KHDRBS2: variants seen among roughly 807,000 people sequenced by gnomAD.
KHDRBS2 encodes KH RNA binding domain containing, signal transduction associated 2.
In KHDRBS2, 26 loss-of-function variants were observed where a neutral mutation model predicts 44.3. The ratio of observed to expected loss-of-function variants is 0.59; its 90% CI spans 0.43 to 0.81. The LOEUF is 0.81. Ranked by LOEUF, KHDRBS2 falls within the 40% of genes least tolerant of loss-of-function variation. The pLI is 0.00. For synonymous variants in KHDRBS2, 194 were observed against 151.1 expected (o/e 1.28, Z -2.08); for missense variants, 476 against 433.1 (o/e 1.10, Z -0.88).
chr6:61,682,186 T>A (rs1306145638), intron 8 of KHDRBS2, among the ~76,000 whole-genome samples: 3 of 151,848 alleles, frequency 2.0e-5, no homozygotes, highest in African/African-American at 7.2e-5. Flanking sequence ...GCATAAAAAA[T>A]TTCAATTGTA....
At chr6:62,233,557 G>C (rs1186315220) in intron 1 of KHDRBS2, among the ~76,000 whole-genome samples, 1 of 152,000 alleles carries the variant, frequency 6.6e-6, no homozygotes, top group Non-Finnish European at 1.5e-5. Context: ...TGTGTCATAG[G>C]GGTTTGTTGT....
At chr6:61,667,394 G>T in the KHDRBS2 span, among the ~76,000 whole-genome samples, 1 of 150,692 alleles carries the variant, frequency 6.6e-6, no homozygotes, top group African/African-American at 2.4e-5. Context: ...AAAGTTTTAT[G>T]CAATTTATCA....
Position 62,158,389 on chromosome 6 carries a change from T to C in KHDRBS2, c.219+18796A>G, listed in dbSNP as rs149883412. Among the ~76,000 whole-genome samples, 838 of 152,300 alleles carry C rather than the reference T, an allele frequency of 5.5e-3. 9 individuals carry two copies. Among genetic ancestry groups the C allele is most frequent in the African/African-American group, 0.019 (797 of 41,576 alleles). ...TGAAACCTCATGGTATGTCATTATA[T>C]TCATGTTGAAGCTGAAAAACAGTTA... is the stretch of plus-strand genomic sequence containing the variant. On this transcript the variant is annotated intron_variant, in intron 2 of 8. Coordinates refer to ENST00000281156, the MANE Select transcript of KHDRBS2 (RefSeq NM_152688.4).
intron 8 of KHDRBS2, among the ~76,000 whole-genome samples, chr6:61,695,375 T>C (rs1163322282): frequency 1.3e-5 from 2 of 152,156 alleles, no homozygotes; most frequent in Admixed American, 1.3e-4. Context: ...ACAATATAAG[T>C]GTGCATCCCA....
chr6:61,731,257 C>G (rs1461214707), intron 7 of KHDRBS2, among the ~76,000 whole-genome samples: 1 of 151,678 alleles, frequency 6.6e-6, no homozygotes, highest in Non-Finnish European at 1.5e-5. Context: ...AAAACTTACC[C>G]TAAGCCTAAA....
chr6:62,020,506 A>G (rs565144181), intron 3 of KHDRBS2, among the ~76,000 whole-genome samples: 1 of 151,972 alleles, frequency 6.6e-6, no homozygotes, highest in Non-Finnish European at 1.5e-5. Context: ...ATCCTTAATG[A>G]TTGTCTACAT....
chr6:61,795,366 A>G (rs983621323), intron 6 of KHDRBS2, among the ~76,000 whole-genome samples: 19 of 152,024 alleles, frequency 1.2e-4, no homozygotes, highest in Admixed American at 1.2e-3. Context: ...GAGGCATGTC[A>G]ACTTATACAC....
the KHDRBS2 span, among the ~76,000 whole-genome samples, chr6:61,606,556 T>C: frequency 2.6e-5 from 4 of 152,150 alleles, no homozygotes; most frequent in African/African-American, 9.7e-5. Context: ...GGCCAGATAA[T>C]AGATCCTTTT....
intron 2 of KHDRBS2, among the ~76,000 whole-genome samples, chr6:62,094,770 C>A (rs1288452094): frequency 2.0e-5 from 3 of 151,846 alleles, no homozygotes; most frequent in African/African-American, 7.2e-5. Flanking sequence ...TTTGATTCTT[C>A]TGCATGTCGA....
At chr6:61,976,923 G>A (rs1435759575) in intron 4 of KHDRBS2, among the ~76,000 whole-genome samples, 1 of 152,108 alleles carries the variant, frequency 6.6e-6, no homozygotes, top group Non-Finnish European at 1.5e-5. Context: ...GTTCAGATGA[G>A]CATCAGATAA....
the KHDRBS2 span, among the ~76,000 whole-genome samples, chr6:61,589,437 A>G: frequency 6.6e-6 from 1 of 152,178 alleles, no homozygotes; most frequent in African/African-American, 2.4e-5. Flanking sequence ...AAGAGTAAGT[A>G]TGTATTTCAG....
At chr6:61,659,927 A>G in the KHDRBS2 span, among the ~76,000 whole-genome samples, 1 of 151,826 alleles carries the variant, frequency 6.6e-6, no homozygotes, top group Non-Finnish European at 1.5e-5. Context: ...TACTTGCCTC[A>G]CTGGGTTATT....
the KHDRBS2 span, among the ~76,000 whole-genome samples, chr6:61,561,581 T>G: frequency 6.6e-6 from 1 of 152,248 alleles, no homozygotes. Context: ...TTCCCACTCT[T>G]TCCTTCCCTT....
chr6:61,765,793 T>C (rs1023064782), intron 6 of KHDRBS2, among the ~76,000 whole-genome samples: 1 of 152,152 alleles, frequency 6.6e-6, no homozygotes, highest in Admixed American at 6.5e-5. Context: ...ATGTATCACA[T>C]TGATTGATTT....
the KHDRBS2 span, among the ~76,000 whole-genome samples, chr6:61,648,142 A>G: frequency 6.6e-6 from 1 of 152,056 alleles, no homozygotes; most frequent in Non-Finnish European, 1.5e-5. Context: ...AATCAAAACC[A>G]AATTAATATA....
At chr6:61,544,504 G>C in the KHDRBS2 span, among the ~76,000 whole-genome samples, 1 of 152,226 alleles carries the variant, frequency 6.6e-6, no homozygotes, top group East Asian at 1.9e-4. Flanking sequence ...AAAGGGCAAA[G>C]CAATCTTTTG....
intron 4 of KHDRBS2, among the ~76,000 whole-genome samples, chr6:61,955,246 A>G (rs1267910412): frequency 1.6e-4 from 23 of 145,992 alleles, no homozygotes; most frequent in African/African-American, 5.7e-4. Context: ...GTATGTATGT[A>G]TACATATATA....
At chr6:61,656,797 G>A in the KHDRBS2 span, among the ~76,000 whole-genome samples, 51 of 151,992 alleles carry the variant, frequency 3.4e-4, no homozygotes, top group African/African-American at 1.1e-3. Flanking sequence ...TCAAGATGAC[G>A]TATATACCAT....
At chr6:62,165,444 C>T (rs935143988) in intron 2 of KHDRBS2, among the ~76,000 whole-genome samples, 12 of 150,688 alleles carry the variant, frequency 8.0e-5, no homozygotes, top group African/African-American at 9.7e-5. Context: ...TAATTACATG[C>T]GTCCATGTTT....
Sources: allele counts gnomAD v4.1 joint callset (sites outside exome capture counted in the v4.1 genomes callset), GRCh38; gene constraint gnomAD v4.1.1; transcripts MANE v1.5; gene names NCBI Gene and HGNC (gene_info 2026-07-23, HGNC 2026-07-21).